TAB2: variants seen among roughly 807,000 people sequenced by gnomAD.
TAB2 encodes the protein TGF-beta-activated kinase 1 and MAP3K7-binding protein 2.
TAB2 carries 3 observed loss-of-function variants against 65.0 expected under a neutral mutation model. The observed-to-expected ratio is 0.05, with a 90% CI of 0.02 to 0.12. The LOEUF is 0.12. Among genes scored for constraint, TAB2 ranks in the 10% least tolerant of loss-of-function variants. The pLI, the probability that TAB2 is intolerant of heterozygous loss-of-function variation, is 1.00. For synonymous variants in TAB2, 298 were observed against 285.1 expected (o/e 1.05, Z -0.46); for missense variants, 623 against 840.3 (o/e 0.74, Z 3.20).
In TAB2 at chr6:149,309,883, GGTGT is replaced by G. The variant is rs59732519; in HGVS notation, c.-120-68119_-120-68116del. Among the ~76,000 whole-genome samples the G allele has an allele frequency of 2.3e-3, 345 of 149,466 alleles. 1 individual carries two copies. The highest frequency in any genetic ancestry group is 6.9e-3 in the Middle Eastern group (2 of 290). ...CACACTGTGTGTGTGTGTGGGTGTG[GGTGT>G]GTGTGTGTGTGTGTGATTTTTCCTT... On this transcript the variant is annotated intron_variant, in intron 1 of 1. Transcript: ENST00000606202.
At chr6:149,310,479 A>G (rs2114711555) in intron 1 of TAB2, among the ~76,000 whole-genome samples, 1 of 152,204 alleles carries the variant, frequency 6.6e-6, no homozygotes, top group South Asian at 2.1e-4. Context: ...TCTTCTTACA[A>G]ATCCTATATT....
rs59196897 is a variant in TAB2, at chr6:149,281,555, C to CAAAAAAAAAAAAA, written c.-121+62793_-121+62805dup. Among the ~76,000 whole-genome samples the CAAAAAAAAAAAAA allele has an allele frequency of 5.4e-4, 38 of 70,336 alleles. 10 individuals carry two copies. The highest frequency in any genetic ancestry group is 1.8e-3 in the African/African-American group (36 of 19,642). 46.1% of individuals were successfully genotyped at this position (70,336 alleles called of 152,430 possible). On this transcript the variant is annotated intron_variant, in intron 1 of 1. Transcript: ENST00000606202. ...TGAACAACACAGCAAGATGCCATCT[C>CAAAAAAAAAAAAA]AAAAAAAAAAAAAAAAAAAAAAAAA...
chr6:149,241,319 T>C (rs1777593712), intron 1 of TAB2, among the ~76,000 whole-genome samples: 1 of 152,224 alleles, frequency 6.6e-6, no homozygotes, highest in South Asian at 2.1e-4. Context: ...GGCAAACCAC[T>C]TCTCCATTTT....
intron 1 of TAB2, among the ~76,000 whole-genome samples, chr6:149,271,799 C>T (rs1210701290): frequency 1.3e-5 from 2 of 152,082 alleles, no homozygotes; most frequent in Non-Finnish European, 2.9e-5. Flanking sequence ...TACTCACGGA[C>T]AACCAGAAAG....
At chr6:149,230,671 AG>A (rs1348784389) in intron 1 of TAB2, among the ~76,000 whole-genome samples, 2 of 152,190 alleles carry the variant, frequency 1.3e-5, no homozygotes, top group African/African-American at 4.8e-5. Flanking sequence ...TGACAGTTCT[AG>A]GCAGTCATAA....
intron 2 of TAB2, among the ~76,000 whole-genome samples, chr6:149,370,702 A>G (rs1781195697): frequency 6.6e-6 from 1 of 152,124 alleles, no homozygotes; most frequent in Admixed American, 6.5e-5. Flanking sequence ...AGTTTTGGAA[A>G]TTTACAATTC....
intron 1 of TAB2, among the ~76,000 whole-genome samples, chr6:149,241,253 G>C (rs1338583253): frequency 1.3e-5 from 2 of 152,130 alleles, no homozygotes; most frequent in Non-Finnish European, 2.9e-5. Flanking sequence ...AGCCTGAGCA[G>C]ACTAAAACAA....
intron 6 of TAB2, among the ~76,000 whole-genome samples, chr6:149,399,523 G>A (rs1477464308): frequency 7.6e-6 from 1 of 131,462 alleles, no homozygotes; most frequent in African/African-American, 2.7e-5. Context: ...AGATACCTTA[G>A]GGAAGTTCCC....
chr6:149,300,046 T>C (rs1229104580), intron 1 of TAB2, among the ~76,000 whole-genome samples: 2 of 152,176 alleles, frequency 1.3e-5, no homozygotes, highest in Non-Finnish European at 2.9e-5. Flanking sequence ...TAAAAGCTTC[T>C]GGCTAAAGGT....
chr6:149,346,495 C>T (rs1780308258), intron 1 of TAB2: 1 of 146,520 alleles, frequency 6.8e-6, no homozygotes, highest in South Asian at 2.1e-4. Flanking sequence ...CTCTTGTTGC[C>T]CAGGCTGGAG....
intron 1 of TAB2, among the ~76,000 whole-genome samples, chr6:149,252,658 C>A (rs893011303): frequency 1.3e-5 from 2 of 151,998 alleles, no homozygotes; most frequent in Non-Finnish European, 2.9e-5. Context: ...ATCTTGACGC[C>A]CCTTAAACTT....
intron 1 of TAB2, among the ~76,000 whole-genome samples, chr6:149,271,296 T>C (rs1489869924): frequency 6.6e-6 from 1 of 152,186 alleles, no homozygotes; most frequent in East Asian, 1.9e-4. Context: ...ATAAAAATAA[T>C]GGACAGGGTT....
At chr6:149,298,336 C>T (rs1426212502) in intron 1 of TAB2, among the ~76,000 whole-genome samples, 1 of 152,106 alleles carries the variant, frequency 6.6e-6, no homozygotes, top group Non-Finnish European at 1.5e-5. Context: ...CAAATCAAGA[C>T]TCCACTATTG....
At chr6:149,284,967 A>G (rs1161928598) in intron 1 of TAB2, among the ~76,000 whole-genome samples, 1 of 152,146 alleles carries the variant, frequency 6.6e-6, no homozygotes, top group Non-Finnish European at 1.5e-5. Flanking sequence ...ACAACCTCAG[A>G]GGTGCTGCAA....
intron 1 of TAB2, among the ~76,000 whole-genome samples, chr6:149,235,122 TA>T (rs1482890218): frequency 6.6e-6 from 1 of 152,146 alleles, no homozygotes; most frequent in Non-Finnish European, 1.5e-5. Flanking sequence ...GAGTGGAGCA[TA>T]AAAATAAAAG....
intron 1 of TAB2, among the ~76,000 whole-genome samples, chr6:149,368,770 A>G (rs1251938072): frequency 6.6e-6 from 1 of 152,156 alleles, no homozygotes; most frequent in African/African-American, 2.4e-5. Context: ...AGCTAAAGCC[A>G]CATAGATAAA....
intron 1 of TAB2, among the ~76,000 whole-genome samples, chr6:149,248,944 G>A (rs567483314): frequency 2.6e-5 from 4 of 152,048 alleles, no homozygotes; most frequent in South Asian, 4.2e-4. Context: ...CCTCTCCCAC[G>A]CCTCACCATC....
intron 1 of TAB2, among the ~76,000 whole-genome samples, chr6:149,250,900 C>T (rs1777845477): frequency 6.6e-6 from 1 of 152,146 alleles, no homozygotes; most frequent in South Asian, 2.1e-4. Flanking sequence ...ACATACAGGC[C>T]TCTGACACCA....
intron 1 of TAB2, among the ~76,000 whole-genome samples, chr6:149,272,889 C>G (rs992750498): frequency 1.3e-5 from 2 of 152,184 alleles, no homozygotes; most frequent in Non-Finnish European, 2.9e-5. Flanking sequence ...GTCCCCAACC[C>G]TGGGGCCACT....
Sources: allele counts gnomAD v4.1 joint callset (sites outside exome capture counted in the v4.1 genomes callset), GRCh38; gene constraint gnomAD v4.1.1; transcripts MANE v1.5; gene names NCBI Gene and HGNC (gene_info 2026-07-23, HGNC 2026-07-21).